The following TKT variants were observed in gnomAD, a reference collection of about 807,000 sequenced individuals.
TKT encodes the protein transketolase.
TKT carries 47 observed loss-of-function variants against 63.9 expected under a neutral mutation model. The ratio of observed to expected loss-of-function variants is 0.74; its 90% CI spans 0.58 to 0.94. TKT has a LOEUF of 0.94. Ranked by LOEUF, TKT falls within the 40% of genes least tolerant of loss-of-function variation. The pLI is 0.00. For missense variants in TKT, 721 were observed against 846.2 expected (o/e 0.85, Z 1.84); for synonymous variants, 338 against 334.1 (o/e 1.01, Z -0.13).
At chr3:53,249,425 T>C (rs1171095170) in intron 1 of TKT, among the ~76,000 whole-genome samples, 1 of 151,696 alleles carries the variant, frequency 6.6e-6, no homozygotes, top group African/African-American at 2.4e-5. Flanking sequence ...CTACTGAAAA[T>C]GCAAAAATTA....
chr3:53,230,263 T>C (rs1238362492), intron 8 of TKT, among the ~76,000 whole-genome samples, 194 bp downstream of exon 8: 1 of 152,162 alleles, frequency 6.6e-6, no homozygotes, highest in East Asian at 1.9e-4. Context: ...GTCCAGGACA[T>C]TTGCACCTGG....
At chr3:53,232,283 A>C (rs556244193) in intron 6 of TKT, 1 of 398,522 alleles carries the variant, frequency 2.5e-6, no homozygotes, top group South Asian at 1.3e-4. Flanking sequence ...AGGCAGCAGC[A>C]CCAAAGCCAT....
At chr3:53,243,394 T>C (rs1369885954) in intron 1 of TKT, among the ~76,000 whole-genome samples, 1 of 149,840 alleles carries the variant, frequency 6.7e-6, no homozygotes, top group African/African-American at 2.5e-5. Flanking sequence ...ACACGCCGCA[T>C]GCCAAGCCCA....
chr3:53,244,885 C>CA (rs11297416), intron 1 of TKT, among the ~76,000 whole-genome samples: 5,121 of 117,264 alleles, frequency 0.044, 129 homozygotes, highest in Non-Finnish European at 0.052. Flanking sequence ...CTTGACTGTT[C>CA]AAAAAAAAAA....
chr3:53,253,293 T>A (rs1450915570), intron 1 of TKT, among the ~76,000 whole-genome samples: 2 of 151,802 alleles, frequency 1.3e-5, no homozygotes, highest in Non-Finnish European at 2.9e-5. Flanking sequence ...TCTTGGCCTT[T>A]CTTTCTTTCT....
chr3:53,248,767 AT>A (rs1553681284), intron 1 of TKT, among the ~76,000 whole-genome samples: 1 of 152,226 alleles, frequency 6.6e-6, no homozygotes, highest in Non-Finnish European at 1.5e-5. Context: ...GAAGAGTTAA[AT>A]TTAGAGACAG....
chr3:53,245,236 C>G (rs1559657228), intron 1 of TKT, among the ~76,000 whole-genome samples: 1 of 149,792 alleles, frequency 6.7e-6, no homozygotes. Flanking sequence ...AACCTGGGAG[C>G]CAGAGGTTGC....
intron 1 of TKT, chr3:53,243,596 T>C: frequency 2.2e-6 from 1 of 456,606 alleles, no homozygotes; most frequent in South Asian, 1.5e-5. Context: ...TTCTATGAAC[T>C]CCCGGTCATG....
At position 53,229,133 on chromosome 3, in the gene TKT, T is replaced by C. The variant is rs1205824520; in HGVS notation, c.1269A>G (p.Glu423=). The C allele has an allele frequency of 1.2e-6, 2 of 1,614,036 alleles. No homozygotes were observed. The highest frequency in any genetic ancestry group is 2.7e-5 in the African/African-American group (2 of 74,918). Residue 423 remains glutamate (E), a synonymous_variant, in exon 10 of 14, where the codon GAA becomes GAG. Transcript: ENST00000462138. ...CTAGGGCCATCTGGGAGGGCCCGTC[T>C]TCCCCTGGGGTGTGGGGGAAAGGAT... ...CGSHCGVSIG[E]DGPSQMALED... is the part of the protein sequence containing the mutation.
intron 7 of TKT, 144 bp from the exon 8 acceptor site, chr3:53,230,765 T>A: frequency 9.9e-7 from 1 of 1,005,246 alleles, no homozygotes; most frequent in Non-Finnish European, 1.4e-6. Flanking sequence ...GGCTTTTAAC[T>A]GCTGAAAGGT....
intron 1 of TKT, among the ~76,000 whole-genome samples, chr3:53,247,671 A>T (rs948241073): frequency 2.0e-5 from 3 of 151,204 alleles, no homozygotes; most frequent in Non-Finnish European, 4.4e-5. Flanking sequence ...TCAGGAGAGA[A>T]TCCCAGGATG....
At chr3:53,231,236 C>G in intron 7 of TKT, 121 bp downstream of exon 7, 1 of 1,091,644 alleles carries the variant, frequency 9.2e-7, no homozygotes, top group South Asian at 1.6e-5. Context: ...CCTCAGGGAT[C>G]ACTCCTCGCC....
intron 13 of TKT, 110 bp from the exon 14 acceptor site, chr3:53,226,041 C>T: frequency 1.0e-6 from 1 of 962,984 alleles, no homozygotes; most frequent in Non-Finnish European, 1.5e-6. Flanking sequence ...TATGCACTGC[C>T]TTTCTCCACC....
rs1441172327 is a variant in TKT, at chr3:53,232,904, C to T, written c.748+252G>A. ...CACTCCACGACCTTCCTCTCACCCA[C>T]AGACCCTCCAAGTCCCTCCTCTCCT... On this transcript the variant is annotated intron_variant, in intron 6 of 13. Coordinates refer to ENST00000462138, the MANE Select transcript of TKT (RefSeq NM_001064.4). 3 of 483,062 alleles carry T rather than the reference C, an allele frequency of 6.2e-6. No individual in the cohort carries two copies. The East Asian group carries it at 1.0e-4, about 17-fold the overall frequency. The allele number at this position is 483,062 out of a possible 1,614,324, so 29.9% of individuals were successfully genotyped here. A position where few individuals can be genotyped will look rare whatever the true frequency, so the allele number is the denominator to read the frequency against.
intron 1 of TKT, among the ~76,000 whole-genome samples, chr3:53,252,161 A>G (rs1455398701): frequency 6.6e-6 from 1 of 152,220 alleles, no homozygotes; most frequent in Non-Finnish European, 1.5e-5. Context: ...GAACTGGATC[A>G]AAGTCCTGTG....
intron 4 of TKT, among the ~76,000 whole-genome samples, chr3:53,239,699 G>A (rs147130622): frequency 2.0e-5 from 3 of 152,104 alleles, no homozygotes; most frequent in Non-Finnish European, 2.9e-5. Context: ...CACCTTTCTG[G>A]TCAGGCTCAT....
At position 53,229,789 on chromosome 3, in the gene TKT, G is replaced by A. The variant is rs77126534; in HGVS notation, c.1108-353C>T. 2.7e-3 allele frequency among the ~76,000 whole-genome samples: 417 copies of A among 152,122 alleles called. 22 individuals are homozygous for A. In the East Asian group the frequency reaches 0.075, roughly 27 times the overall value. On this transcript the variant is annotated intron_variant, in intron 8 of 13. Coordinates refer to ENST00000462138, the MANE Select transcript of TKT (RefSeq NM_001064.4). ...GTACCTGGGACCTCCCCAGCCCCACGCCCTGCAGAGCAGTCTCTGGAAACC... is the reference window on the plus strand; with the variant it reads ...GTACCTGGGACCTCCCCAGCCCCACACCCTGCAGAGCAGTCTCTGGAAACC...
chr3:53,242,245 G>A lies in TKT; in HGVS notation c.108-3C>T, dbSNP rs1705315761. On this transcript the variant is annotated splice_region_variant and splice_polypyrimidine_tract_variant and intron_variant, in intron 1 of 13. Coordinates refer to ENST00000462138, the MANE Select transcript of TKT (RefSeq NM_001064.4). ...CGCTGCAGCATGACGTGGGGTGGCT[G>A]TGGCCCAGGAGAGAAGACAGACACA... 1.2e-6 allele frequency: 2 copies of A among 1,613,620 alleles called. No homozygotes were observed. Among genetic ancestry groups the A allele is most frequent in the Non-Finnish European group, 8.5e-7 (1 of 1,179,860 alleles).
At chr3:53,248,625 C>T (rs782184710) in intron 1 of TKT, among the ~76,000 whole-genome samples, 7 of 107,428 alleles carry the variant, frequency 6.5e-5, no homozygotes, top group Admixed American at 2.2e-4. Flanking sequence ...GGAGACCCTG[C>T]CCCCCACCCC....
Sources: gnomAD v4.1 joint callset for allele counts (sites outside exome capture counted in the v4.1 genomes callset) on GRCh38, gnomAD v4.1.1 for gene constraint, MANE v1.5 for transcripts, NCBI Gene and HGNC (gene_info 2026-07-23, HGNC 2026-07-21) for gene names.